The following PSG6 variants were observed in gnomAD, a reference collection of about 807,000 sequenced individuals.
PSG6 encodes the protein pregnancy specific beta-1-glycoprotein 6.
In PSG6, 51 loss-of-function variants were observed where a neutral mutation model predicts 43.3. The ratio of observed to expected loss-of-function variants is 1.18; its 90% CI spans 0.94 to 1.49. The LOEUF is 1.49. Among genes scored for constraint, PSG6 ranks in the 40% most tolerant of loss-of-function variants. The pLI is 0.00. For synonymous variants in PSG6, 292 were observed against 197.6 expected, an observed-to-expected ratio of 1.48 and a Z score of -4.01; for missense variants, 770 against 522.2, an observed-to-expected ratio of 1.47 and a Z score of -4.62.
intron 5 of PSG6, among the ~76,000 whole-genome samples, chr19:42,905,401 C>T (rs932376227): frequency 6.6e-6 from 1 of 151,616 alleles, no homozygotes; most frequent in African/African-American, 2.4e-5. Flanking sequence ...TAAACAACAA[C>T]AATGACAGCA....
In PSG6 at chr19:42,902,257, A is replaced by G; in HGVS notation, c.*155T>C. ...AGTTCATAAATCTGGAGAATAAAACATTCCAAGAATCAGCACATTTTCCAA... is the reference window on the plus strand; with the variant it reads ...AGTTCATAAATCTGGAGAATAAAACGTTCCAAGAATCAGCACATTTTCCAA... On this transcript the variant is annotated 3_prime_UTR_variant, in exon 6 of 6. Transcript: ENST00000187910. The G allele has an allele frequency of 2.0e-6, 2 of 1,010,572 alleles. No homozygotes were observed. The highest frequency in any genetic ancestry group is 1.4e-6 in the Non-Finnish European group (1 of 703,734). 62.6% of individuals were successfully genotyped at this position (1,010,572 alleles called of 1,614,324 possible).
chr19:42,913,551 A>G (rs1278617468), intron 2 of PSG6, among the ~76,000 whole-genome samples: 1 of 151,708 alleles, frequency 6.6e-6, no homozygotes, highest in Non-Finnish European at 1.5e-5. Context: ...CCTGACAGGA[A>G]GCCAGAAGTC....
chr19:42,916,627 A>C (rs967644060), intron 1 of PSG6, 140 bp from the exon 2 acceptor site: 3 of 1,293,238 alleles, frequency 2.3e-6, no homozygotes, highest in Non-Finnish European at 3.2e-6. Flanking sequence ...CACACACACA[A>C]AAGGGCATGT....
In PSG6 at chr19:42,903,738, A is replaced by C. The variant is rs1568440612; in HGVS notation, c.1241-1292T>G. On this transcript the variant is annotated intron_variant, in intron 5 of 5. Coordinates refer to ENST00000187910, the MANE Select transcript of PSG6 (RefSeq NM_001031850.4). Reference sequence around the variant, plus strand: ...ATGCTGTCTCTACAAAAAAAAAAAAAACCAATTAGCTGGGCATGTTGACAT... The same window carrying C: ...ATGCTGTCTCTACAAAAAAAAAAAACACCAATTAGCTGGGCATGTTGACAT... 4 of 1,520,298 alleles carry C rather than the reference A, an allele frequency of 2.6e-6. 1 individual carries two copies. The highest frequency in any genetic ancestry group is 5.0e-5 in the East Asian group (2 of 40,098). 94.2% of individuals were successfully genotyped at this position (1,520,298 alleles called of 1,614,324 possible). A position where few individuals can be genotyped will look rare whatever the true frequency, so the allele number is the denominator to read the frequency against.
At chr19:42,905,321 C>T (rs1600538781) in intron 5 of PSG6, among the ~76,000 whole-genome samples, 1 of 151,698 alleles carries the variant, frequency 6.6e-6, no homozygotes, top group Admixed American at 6.6e-5. Flanking sequence ...CTCAGCATCA[C>T]GAATACTTAG....
intron 2 of PSG6, chr19:42,915,499 A>C (rs1025169755): frequency 1.3e-5 from 2 of 154,398 alleles, no homozygotes; most frequent in African/African-American, 4.8e-5. Flanking sequence ...CTGATGGCCT[A>C]CAAAGCTTGT....
intron 2 of PSG6, among the ~76,000 whole-genome samples, chr19:42,911,328 C>T (rs1056970043): frequency 6.6e-6 from 1 of 151,568 alleles, no homozygotes; most frequent in Admixed American, 6.6e-5. Context: ...TCCTTAAGCC[C>T]TTTGGGTATT....
At chr19:42,911,153 C>T (rs952468904) in intron 2 of PSG6, among the ~76,000 whole-genome samples, 7 of 151,518 alleles carry the variant, frequency 4.6e-5, no homozygotes, top group African/African-American at 1.2e-4. Flanking sequence ...TCTCTGAGTC[C>T]CTCCGTCTCC....
intron 1 of PSG6, among the ~76,000 whole-genome samples, chr19:42,917,312 T>C (rs1486359894): frequency 5.3e-5 from 8 of 150,872 alleles, no homozygotes; most frequent in African/African-American, 1.9e-4. Context: ...TTTTCCCCTA[T>C]CCAGGCTCCA....
In PSG6 at chr19:42,912,051, T is replaced by G. The variant is rs544664485; in HGVS notation, c.428-1193A>C. Among the ~76,000 whole-genome samples, 92 of 151,776 alleles carry G rather than the reference T, an allele frequency of 6.1e-4. 2 individuals carry two copies. The highest frequency in any genetic ancestry group is 3.4e-3 in the Middle Eastern group (1 of 292). On this transcript the variant is annotated intron_variant, in intron 2 of 5. Transcript: ENST00000187910. ...AAGCTTAAAACAAAGTGTTTTGGAT[T>G]TCTAATTTTTTTTATTTTGGAATAT... is the stretch of plus-strand genomic sequence containing the variant.
At chr19:42,902,528 A>C in intron 5 of PSG6, 82 bp from the exon 6 acceptor site, 1 of 1,569,786 alleles carries the variant, frequency 6.4e-7, no homozygotes, top group African/African-American at 1.4e-5. Flanking sequence ...ACAGGCTCCC[A>C]GCAAGGGTGT....
At position 42,906,961 on chromosome 19, in the gene PSG6, C is replaced by T. The variant is rs1972123558; in HGVS notation, c.1201G>A (p.Gly401Ser). 1 of 1,612,408 alleles carries T rather than the reference C, an allele frequency of 6.2e-7. No individual in the cohort carries two copies. The highest frequency in any genetic ancestry group is 8.5e-7 in the Non-Finnish European group (1 of 1,179,090). Residue 401 changes from glycine (G) to serine (S), a missense_variant, in exon 5 of 6, where the codon GGC becomes AGC. Gly to Ser is a moderately conservative substitution (Grantham distance 56). Transcript: ENST00000187910. ...YACSVRNSAT[G>S]KEISKSMIVK... is the part of the protein sequence containing the mutation. Reference sequence around the variant, plus strand: ...ATCATGGATTTGGAGATTTCCTTGCCAGTGGCTGAGTTACGAACAGAGCAA... The same window carrying T: ...ATCATGGATTTGGAGATTTCCTTGCTAGTGGCTGAGTTACGAACAGAGCAA...
intron 1 of PSG6, among the ~76,000 whole-genome samples, chr19:42,917,166 C>A (rs8100982): frequency 3.3e-5 from 5 of 150,462 alleles, no homozygotes. Context: ...CTGATATAGT[C>A]ATTATTATCA....
chr19:42,910,290 C>A (rs1972193625), intron 3 of PSG6: 4 of 735,980 alleles, frequency 5.4e-6, no homozygotes, highest in Non-Finnish European at 8.5e-6. Flanking sequence ...ACTGAAGTCC[C>A]AGCCAAATCC....
Position 42,916,473 on chromosome 19 carries a change from A to C in PSG6, c.79T>G (p.Phe27Val), listed in dbSNP as rs1972336381. Residue 27 changes from phenylalanine (F) to valine (V), a missense_variant, in exon 2 of 6, where the codon TTC becomes GTC. Transcript: ENST00000187910. The part of the protein sequence containing the change: ...GLLLTASLLN[F>V]WNLPTTAQVI... Reference sequence around the variant, plus strand: ...TGGGCAGTGGTGGGCAGGTTCCAGAAGTTTAAAAGTGATGCTAGGAGGTAG... The same window carrying C: ...TGGGCAGTGGTGGGCAGGTTCCAGACGTTTAAAAGTGATGCTAGGAGGTAG... 2 of 1,610,708 alleles carry C rather than the reference A, an allele frequency of 1.2e-6. No individual in the cohort carries two copies. Among genetic ancestry groups the C allele is most frequent in the East Asian group, 4.5e-5 (2 of 44,756 alleles).
chr19:42,909,076 G>A (rs1600543121), intron 3 of PSG6, among the ~76,000 whole-genome samples: 1 of 151,708 alleles, frequency 6.6e-6, no homozygotes, highest in African/African-American at 2.4e-5. Context: ...TCAAATATTT[G>A]TCATATACTT....
At chr19:42,909,050 T>C (rs1490246270) in intron 3 of PSG6, among the ~76,000 whole-genome samples, 1 of 151,744 alleles carries the variant, frequency 6.6e-6, no homozygotes, top group Non-Finnish European at 1.5e-5. Flanking sequence ...TTTGGATTTC[T>C]GATATTTTTT....
intron 1 of PSG6, among the ~76,000 whole-genome samples, chr19:42,917,002 G>T (rs1221479303): frequency 1.3e-5 from 2 of 151,464 alleles, no homozygotes; most frequent in Admixed American, 6.6e-5. Flanking sequence ...CATGTTGGTT[G>T]CACCCCAGTG....
Position 42,916,767 on chromosome 19 carries a change from G to A in PSG6, c.65-280C>T, listed in dbSNP as rs528647472. On this transcript the variant is annotated intron_variant, in intron 1 of 5. Transcript: ENST00000187910. ...TTGCAATCCTCTTCCCCAGGGGTCC[G>A]CACGGCCCCCTCCACACTGCCCTCA... 4.6e-5 allele frequency among the ~76,000 whole-genome samples: 7 copies of A among 151,094 alleles called. 1 individual carries two copies. Among genetic ancestry groups the A allele is most frequent in the South Asian group, 4.3e-4 (2 of 4,666 alleles).
Sources: allele counts gnomAD v4.1 joint callset (sites outside exome capture counted in the v4.1 genomes callset), GRCh38; gene constraint gnomAD v4.1.1; transcripts MANE v1.5; gene names NCBI Gene and HGNC (gene_info 2026-07-23, HGNC 2026-07-21).